Variants in DDX54 observed in about 807,000 individuals in gnomAD.
DDX54 encodes the protein ATP-dependent RNA helicase DDX54.
DDX54 carries 67 observed loss-of-function variants against 105.5 expected under a neutral mutation model. The ratio of observed to expected loss-of-function variants is 0.64; its 90% CI spans 0.52 to 0.78. DDX54 has a LOEUF of 0.78. Ranked by LOEUF, DDX54 falls within the 30% of genes least tolerant of loss-of-function variation. DDX54 has a pLI of 0.00. For synonymous variants in DDX54, 514 were observed against 509.9 expected (o/e 1.01, Z -0.11); for missense variants, 1,206 against 1,230.5 (o/e 0.98, Z 0.30).
rs1952269410 is a variant in DDX54, at chr12:113,165,956, G to A, written c.1491C>T (p.Ser497=). 19 of 1,613,546 alleles carry A rather than the reference G, an allele frequency of 1.2e-5. No homozygotes were observed. The highest frequency in any genetic ancestry group is 1.4e-5 in the Non-Finnish European group (17 of 1,180,036). ...GTAGCTCCAGCGATGCCTCCAGGGT[G>A]CTCTGCAGACCACTGTCCTCCTCGT... ...VVDEEDSGLQ[S]TLEASLELRG... is the part of the protein sequence containing the mutation. Residue 497 remains serine, a synonymous_variant, in exon 13 of 20, where the codon AGC becomes AGT. Transcript: ENST00000306014.
In DDX54 at chr12:113,185,436, C is replaced by T. The variant is rs2290766; in HGVS notation, c.16G>A (p.Gly6Ser). 2.0e-6 allele frequency: 3 copies of T among 1,511,368 alleles called. No individual in the cohort carries two copies. The highest frequency in any genetic ancestry group is 2.5e-5 in the South Asian group (2 of 80,842). 93.6% of individuals were successfully genotyped at this position (1,511,368 alleles called of 1,614,324 possible). A position where few individuals can be genotyped will look rare whatever the true frequency, so the allele number is the denominator to read the frequency against. The change falls in exon 1 of 20, where the codon GGC becomes AGC. Residue 6 changes from glycine to serine, a missense_variant. Physicochemically the swap from Gly to Ser is moderately conservative, Grantham distance 56. This residue lies in a region of DDX54 where 212 missense variants were observed against 155.4 expected (regional missense o/e 1.36). Transcript: ENST00000306014. MAADK[G>S]PAAGPRSRAA... ...CGCGACCGAGGTCCAGCCGCCGGGC[C>T]CTTGTCGGCCGCCATTCGGGCCGCG...
chr12:113,166,095 C>T (rs1952272539), intron 12 of DDX54, 63 bp from the exon 13 acceptor site: 3 of 1,514,984 alleles, frequency 2.0e-6, no homozygotes, highest in Non-Finnish European at 1.8e-6. Context: ...CACTGCCCGA[C>T]CACCACTCTT....
At chr12:113,162,429 T>C (rs1212862722) in intron 17 of DDX54, among the ~76,000 whole-genome samples, 3 of 152,176 alleles carry the variant, frequency 2.0e-5, no homozygotes, top group African/African-American at 7.2e-5. Context: ...CTGTGGTGTG[T>C]GATCAAATCA....
rs1264038535 is a variant in DDX54 at position 113,165,631 on chromosome 12, C to T, written c.1719+13G>A. On this transcript the variant is annotated intron_variant, in intron 14 of 19. Transcript: ENST00000306014. Reference sequence around the variant, plus strand: ...CAGGACTCAGAGCGTGGTCTCCACCCGGCCCCACTCACCGCCCGGGAGCGG... The same window carrying T: ...CAGGACTCAGAGCGTGGTCTCCACCTGGCCCCACTCACCGCCCGGGAGCGG... The T allele has an allele frequency of 1.2e-5, 19 of 1,595,810 alleles. No homozygotes were observed. Among genetic ancestry groups the T allele is most frequent in the East Asian group, 9.0e-5 (4 of 44,548 alleles).
chr12:113,164,022 C>T (rs1013518639), intron 15 of DDX54, 45 bp downstream of exon 15: 1 of 1,513,874 alleles, frequency 6.6e-7, no homozygotes, highest in South Asian at 1.3e-5. Context: ...TTAGCCACCC[C>T]TTCCCCATAC....
intron 10 of DDX54, among the ~76,000 whole-genome samples, chr12:113,173,776 C>T (rs964002498): frequency 6.6e-6 from 1 of 152,164 alleles, no homozygotes; most frequent in Non-Finnish European, 1.5e-5. Flanking sequence ...GGGGAACTAA[C>T]GGATGAAGGT....
intron 19 of DDX54, 51 bp downstream of exon 19, chr12:113,161,219 C>G (rs759159781): frequency 6.7e-7 from 1 of 1,486,848 alleles, no homozygotes; most frequent in Non-Finnish European, 9.2e-7. Context: ...CTAATCTGAC[C>G]ACAACTGCTC....
At position 113,163,155 on chromosome 12, in the gene DDX54, G is replaced by T. The variant is rs1952230811; in HGVS notation, c.2058C>A (p.Pro686=). ...ACCCCCGCTCGCTGTCAAAGTCCTT[G>T]GGCCGGTAGGGGATGTAGAATTCCT... ...RDQEFYIPYR[P]KDFDSERGLS... is the part of the protein sequence containing the mutation. The change falls in exon 16 of 20, where the codon CCC becomes CCA. Residue 686 remains proline, a synonymous_variant. Transcript: ENST00000306014. This position sits in a 1 kb window ranked among gnomAD's most constrained non-coding sequence, Gnocchi z 5.9. 6.2e-7 allele frequency: 1 copy of T among 1,612,964 alleles called. No individual in the cohort carries two copies. The highest frequency in any genetic ancestry group is 8.5e-7 in the Non-Finnish European group (1 of 1,179,994).
rs1259937110 is a variant in DDX54, at chr12:113,163,292, A to C, written c.1939-18T>G. 1 of 1,604,952 alleles carries C rather than the reference A, an allele frequency of 6.2e-7. No individual in the cohort carries two copies. The highest frequency in any genetic ancestry group is 1.3e-5 in the African/African-American group (1 of 74,886). ...AAAATGTCCTGGCAGAGCACAGACC[A>C]AGGCCCAGTGTCATGCCTGCTGCCC... On this transcript the variant is annotated intron_variant, in intron 15 of 19. Coordinates refer to ENST00000306014, the MANE Select transcript of DDX54 (RefSeq NM_024072.4). The surrounding 1 kb of genome is among the most constrained non-coding windows in gnomAD (Gnocchi z 5.9).
At chr12:113,171,028 T>C (rs1566096859) in intron 11 of DDX54, among the ~76,000 whole-genome samples, 1 of 152,204 alleles carries the variant, frequency 6.6e-6, no homozygotes, top group Non-Finnish European at 1.5e-5. Context: ...CATTTGGAGA[T>C]TTCATTTGAG....
chr12:113,160,077 C>T (rs538205914), intron 19 of DDX54, among the ~76,000 whole-genome samples: 1 of 152,350 alleles, frequency 6.6e-6, no homozygotes, highest in Non-Finnish European at 1.5e-5. Context: ...CGGCAATGCT[C>T]GCAGCAGAAG....
rs936316863 is a variant in DDX54, at chr12:113,163,259, C to A, written c.1954G>T (p.Val652Phe). The stretch of plus-strand genomic sequence containing the variant: ...GACCGCTGCCGCTTCCGGCCCACGA[C>A]CTCTGAGAAAATGTCCTGGCAGAGC... ...GESVEDIFSE[V>F]VGRKRQRSGP... The change falls in exon 16 of 20, where the codon GTC becomes TTC. Residue 652 changes from valine to phenylalanine, a missense_variant. This residue lies in a region of DDX54 where 961 missense variants were observed against 1,019.1 expected (regional missense o/e 0.94). Coordinates refer to ENST00000306014, the MANE Select transcript of DDX54 (RefSeq NM_024072.4). The surrounding 1 kb of genome is among the most constrained non-coding windows in gnomAD (Gnocchi z 5.9). 3 of 1,609,492 alleles carry A rather than the reference C, an allele frequency of 1.9e-6. No homozygotes were observed. The highest frequency in any genetic ancestry group is 2.5e-6 in the Non-Finnish European group (3 of 1,179,902).
Position 113,162,973 on chromosome 12 carries a change from A to G in DDX54, c.2154T>C (p.Asp718=). 1 of 1,608,472 alleles carries G rather than the reference A, an allele frequency of 6.2e-7. No individual in the cohort carries two copies. ...AAGAVLDLMG[D]EAQNLTRGRQ... is the part of the protein sequence containing the mutation. ...GGCCCCTCGTCAGGTTCTGGGCTTC[A>G]TCCCCCATCAAGTCCAGGACAGCGC... The change falls in exon 17 of 20, where the codon GAT becomes GAC. Residue 718 remains aspartate, a synonymous_variant. Transcript: ENST00000306014.
chr12:113,172,204 A>G (rs928329432), intron 11 of DDX54, 149 bp downstream of exon 11: 7 of 878,440 alleles, frequency 8.0e-6, no homozygotes, highest in Non-Finnish European at 6.9e-6. Flanking sequence ...CGAGTTTGAG[A>G]CCAGCTTAAG....
Position 113,165,866 on chromosome 12 carries a change from C to T in DDX54, c.1581G>A (p.Ser527=), listed in dbSNP as rs781445303. ...QQYVRSRPAP[S]PESIKRAKEM... ...CCTTGGCCCTCTTGATGGACTCAGG[C>T]GAGGGCGCCGGGCGTGAGCGCACAT... is the stretch of plus-strand genomic sequence containing the variant. The change falls in exon 13 of 20, where the codon TCG becomes TCA. Residue 527 remains serine (S), a synonymous_variant. Coordinates refer to ENST00000306014, the MANE Select transcript of DDX54 (RefSeq NM_024072.4). 2.7e-5 allele frequency: 43 copies of T among 1,613,312 alleles called. 1 individual carries two copies. The South Asian group carries it at 2.7e-4, about 10-fold the overall frequency.
chr12:113,162,809 C>G, intron 17 of DDX54, 123 bp downstream of exon 17: 1 of 951,470 alleles, frequency 1.1e-6, no homozygotes. Context: ...GCGGCTCACT[C>G]ACTCACTCAC....
At chr12:113,166,107 G>A in intron 12 of DDX54, 75 bp from the exon 13 acceptor site, 3 of 1,450,342 alleles carry the variant, frequency 2.1e-6, no homozygotes, top group Non-Finnish European at 2.8e-6. Flanking sequence ...ACCACTCTTG[G>A]GCCTCACCCT....
At chr12:113,173,421 G>A (rs1952361095) in intron 10 of DDX54, among the ~76,000 whole-genome samples, 1 of 152,210 alleles carries the variant, frequency 6.6e-6, no homozygotes, top group Admixed American at 6.5e-5. Flanking sequence ...CAGCTGCACA[G>A]AGGGAGTGTT....
intron 1 of DDX54, among the ~76,000 whole-genome samples, chr12:113,183,413 G>A (rs1952488626): frequency 6.6e-6 from 1 of 152,256 alleles, no homozygotes; most frequent in South Asian, 2.1e-4. Flanking sequence ...AGCACCTACT[G>A]TGTGCCAGGT....
Sources: gnomAD v4.1 joint callset for allele counts (sites outside exome capture counted in the v4.1 genomes callset) on GRCh38, gnomAD v4.1.1 for gene constraint, gnomAD v4.1.1 regional missense constraint, Gnocchi (gnomAD v3.1) non-coding constraint, MANE v1.5 for transcripts, NCBI Gene and HGNC (gene_info 2026-07-23, HGNC 2026-07-21) for gene names.